Variants in ZNF385A observed in about 807,000 individuals in gnomAD.
ZNF385A encodes the protein hematopoietic zinc finger protein.
In ZNF385A, 14 loss-of-function variants were observed where a neutral mutation model predicts 32.1. The ratio of observed to expected loss-of-function variants is 0.44; its 90% CI spans 0.29 to 0.68. ZNF385A has a LOEUF of 0.68. Among genes scored for constraint, ZNF385A ranks in the 30% least tolerant of loss-of-function variants. The pLI is 0.14. For missense variants in ZNF385A, 406 were observed against 478.4 expected, an observed-to-expected ratio of 0.85 and a Z score of 1.41; for synonymous variants, 197 against 202.7, an observed-to-expected ratio of 0.97 and a Z score of 0.24.
Position 54,371,189 on chromosome 12 carries a change from G to A in ZNF385A, c.605-93C>T, listed in dbSNP as rs895312461. The A allele has an allele frequency of 2.2e-6, 3 of 1,390,136 alleles. No individual in the cohort carries two copies. The East Asian group carries it at 6.9e-5, about 32-fold the overall frequency. The allele number at this position is 1,390,136 out of a possible 1,614,324, so 86.1% of individuals were successfully genotyped here. A position where few individuals can be genotyped will look rare whatever the true frequency, so the allele number is the denominator to read the frequency against. On this transcript the variant is annotated intron_variant, in intron 4 of 6. Transcript: ENST00000394313. ...ATGCACATTCCCAGGTACAATATGAGGGGGAAGAGGGTGGGCACAGTGTGG... is the reference window on the plus strand; with the variant it reads ...ATGCACATTCCCAGGTACAATATGAAGGGGAAGAGGGTGGGCACAGTGTGG...
At chr12:54,373,842 T>C (rs1296219310) in intron 3 of ZNF385A, 131 bp downstream of exon 3, 5 of 999,014 alleles carry the variant, frequency 5.0e-6, no homozygotes, top group Non-Finnish European at 6.8e-6. Context: ...GCTCCAGGAC[T>C]CACCTTGGGT....
intron 1 of ZNF385A, among the ~76,000 whole-genome samples, chr12:54,383,621 G>A (rs1418198751): frequency 1.3e-5 from 2 of 152,188 alleles, no homozygotes. Flanking sequence ...GCGGCTGGGT[G>A]TGGTGGCTCA....
At chr12:54,380,290 C>G (rs1955078050) in intron 1 of ZNF385A, among the ~76,000 whole-genome samples, 1 of 152,204 alleles carries the variant, frequency 6.6e-6, no homozygotes, top group African/African-American at 2.4e-5. Context: ...CATGGATTAT[C>G]TAATTTAATC....
Position 54,371,579 on chromosome 12 carries a change from C to T in ZNF385A, c.498G>A (p.Leu166=), listed in dbSNP as rs377099940. 6.2e-7 allele frequency: 1 copy of T among 1,613,698 alleles called. No individual in the cohort carries two copies. The highest frequency in any genetic ancestry group is 1.3e-5 in the African/African-American group (1 of 75,002). ...CCTCCTCTTCCTTGCTACCCCCAGG[C>T]AAGGAAGCCGGGGCTGGAGTCCCCC... ...GEGGTPAPAS[L]PGGSKEEEEK... The change falls in exon 4 of 7, where the codon TTG becomes TTA. Residue 166 remains leucine (L), a synonymous_variant. Coordinates refer to ENST00000394313, the MANE Select transcript of ZNF385A (RefSeq NM_015481.3).
chr12:54,379,284 C>A (rs1192942057), intron 1 of ZNF385A: 15 of 695,702 alleles, frequency 2.2e-5, no homozygotes, highest in Non-Finnish European at 2.3e-5. Context: ...GGGACAGGGA[C>A]AGGGACAGGG....
chr12:54,373,635 C>A (rs1436902849), intron 3 of ZNF385A, among the ~76,000 whole-genome samples: 13 of 152,218 alleles, frequency 8.5e-5, no homozygotes, highest in Admixed American at 8.5e-4. Flanking sequence ...CCCTTCCCTG[C>A]CCCTCTCCCT....
chr12:54,378,997 G>A (rs1954989883), intron 1 of ZNF385A: 5 of 952,944 alleles, frequency 5.2e-6, no homozygotes, highest in Non-Finnish European at 6.2e-6. Context: ...AGGGGCGGGC[G>A]GGGACGGGGT....
At chr12:54,377,133 A>G (rs982189583) in intron 1 of ZNF385A, among the ~76,000 whole-genome samples, 1 of 152,210 alleles carries the variant, frequency 6.6e-6, no homozygotes, top group Non-Finnish European at 1.5e-5. Flanking sequence ...AAGAGTCTGG[A>G]AAGCCCTGTC....
chr12:54,375,759 GT>G, intron 2 of ZNF385A, 84 bp downstream of exon 2: 1 of 1,154,384 alleles, frequency 8.7e-7, no homozygotes, highest in Non-Finnish European at 1.3e-6. Flanking sequence ...CAGAGTAAGT[GT>G]TCTCACCCAG....
At chr12:54,386,161 G>C (rs1955470795), upstream of ZNF385A, among the ~76,000 whole-genome samples, 1 of 148,816 alleles carries the variant, frequency 6.7e-6, no homozygotes, top group South Asian at 2.1e-4. Flanking sequence ...GGTTGGGATG[G>C]GGTGGAGAGA....
upstream of ZNF385A, chr12:54,385,579 G>A (rs1054240320): frequency 4.2e-6 from 4 of 944,360 alleles, no homozygotes; most frequent in Non-Finnish European, 5.0e-6. Context: ...AACCGAGGAG[G>A]CTGCGTGCTT....
At chr12:54,383,113 G>A (rs1203935417) in intron 1 of ZNF385A, among the ~76,000 whole-genome samples, 1 of 152,072 alleles carries the variant, frequency 6.6e-6, no homozygotes, top group Non-Finnish European at 1.5e-5. Context: ...AATGAGTCAA[G>A]ATCATCATGC....
upstream of ZNF385A, chr12:54,384,912 G>A (rs1205714233): frequency 9.5e-7 from 1 of 1,047,286 alleles, no homozygotes; most frequent in Admixed American, 5.5e-5. Flanking sequence ...CAAGCCCCTG[G>A]CCACCCTCTT....
chr12:54,386,434 C>T (rs1955486241), upstream of ZNF385A, among the ~76,000 whole-genome samples: 1 of 151,970 alleles, frequency 6.6e-6, no homozygotes, highest in Non-Finnish European at 1.5e-5. Flanking sequence ...ACAGAGACAG[C>T]GAGAAAGATA....
At chr12:54,378,722 G>C (rs981182659) in intron 1 of ZNF385A, among the ~76,000 whole-genome samples, 4 of 152,070 alleles carry the variant, frequency 2.6e-5, no homozygotes, top group African/African-American at 4.8e-5. Context: ...GCAAGCTGGT[G>C]GGGGAGGGAT....
intron 2 of ZNF385A, among the ~76,000 whole-genome samples, chr12:54,374,639 G>A (rs1954745390): frequency 6.6e-6 from 1 of 152,126 alleles, no homozygotes; most frequent in South Asian, 2.1e-4. Flanking sequence ...CATTTTCCCT[G>A]AAGCCTCTGT....
At chr12:54,388,046 AGTGTGTGTGTGTGT>A (rs10665764), upstream of ZNF385A, among the ~76,000 whole-genome samples, 3 of 140,430 alleles carry the variant, frequency 2.1e-5, no homozygotes, top group Non-Finnish European at 3.1e-5. Flanking sequence ...AGTGTGTGTA[AGTGTGTGTGTGTGT>A]GTGTGTGTGT....
At chr12:54,371,241 C>G in intron 4 of ZNF385A, 145 bp from the exon 5 acceptor site, 3 of 1,125,596 alleles carry the variant, frequency 2.7e-6, no homozygotes, top group Non-Finnish European at 3.8e-6. Context: ...CTCCTTGGGA[C>G]CCTCCCAAAG....
At position 54,383,723 on chromosome 12, in the gene ZNF385A, C is replaced by T. The variant is rs529677145; in HGVS notation, c.87+705G>A. On this transcript the variant is annotated intron_variant, in intron 1 of 6. Transcript: ENST00000394313. ...CAGCCTGGCCAACATGGTGAAACCC[C>T]ATCTCTACTAAAAATACAAAAATTA... Among the ~76,000 whole-genome samples the T allele has an allele frequency of 3.9e-5, 6 of 152,274 alleles. 1 individual carries two copies. In the South Asian group the frequency reaches 1.2e-3, roughly 32 times the overall value.
Sources: gnomAD v4.1 joint callset for allele counts (sites outside exome capture counted in the v4.1 genomes callset) on GRCh38, gnomAD v4.1.1 for gene constraint, MANE v1.5 for transcripts, NCBI Gene and HGNC (gene_info 2026-07-23, HGNC 2026-07-21) for gene names.